Variants in SEH1L observed in about 807,000 individuals in gnomAD.
SEH1L encodes nucleoporin SEH1.
A neutral mutation model predicts 49.5 loss-of-function variants in SEH1L; 18 were observed. That is an observed-to-expected ratio of 0.36 (90% CI 0.25 to 0.54). SEH1L has a LOEUF of 0.54. SEH1L is among the 20% of genes least tolerant of loss of function. The pLI is 0.87. For missense variants in SEH1L, 404 were observed against 528.8 expected, an observed-to-expected ratio of 0.76 and a Z score of 2.31; for synonymous variants, 169 against 178.1, an observed-to-expected ratio of 0.95 and a Z score of 0.41.
intron 6 of SEH1L, among the ~76,000 whole-genome samples, chr18:12,980,729 TG>T (rs1252221955): frequency 6.2e-4 from 32 of 51,656 alleles, no homozygotes; most frequent in African/African-American, 9.5e-4. Context: ...ACGGGGCGGC[TG>T]GCCGGGCAGA....
At chr18:12,984,650 T>G (rs2032395845) in intron 8 of SEH1L, 1 of 154,630 alleles carries the variant, frequency 6.5e-6, no homozygotes, top group Non-Finnish European at 1.4e-5. Flanking sequence ...TTTAAAACTT[T>G]AATAGAAATA....
intron 4 of SEH1L, among the ~76,000 whole-genome samples, chr18:12,967,636 G>A (rs563317372): frequency 6.6e-6 from 1 of 152,284 alleles, no homozygotes; most frequent in African/African-American, 2.4e-5. Flanking sequence ...AGCCTGGGCC[G>A]GGCACAGTGG....
At position 12,986,883 on chromosome 18, in the gene SEH1L, T is replaced by C. The variant is rs1377267849; in HGVS notation, c.1092T>C (p.Asp364=). The change falls in exon 9 of 9, where the codon GAT becomes GAC. Residue 364 remains aspartate (D), a synonymous_variant. Coordinates refer to ENST00000399892, the MANE Select transcript of SEH1L (RefSeq NM_001013437.2). ...TCAGGTATTTCTTTACCCCTCTGGA[T>C]TCCCCACGGGCTGGATCGAGATGGT... ...SAGRYFFTPL[D]SPRAGSRWSS... is the part of the protein sequence containing the mutation. 2 of 1,600,842 alleles carry C rather than the reference T, an allele frequency of 1.2e-6. No homozygotes were observed. Among genetic ancestry groups the C allele is most frequent in the Non-Finnish European group, 1.7e-6 (2 of 1,171,950 alleles).
At chr18:12,979,225 G>GTGT (rs1468806530) in intron 6 of SEH1L, among the ~76,000 whole-genome samples, 1 of 149,038 alleles carries the variant, frequency 6.7e-6, no homozygotes, top group African/African-American at 2.5e-5. Flanking sequence ...GCCTTCTGCA[G>GTGT]TGTTTGTGTC....
chr18:12,951,785 C>A, intron 1 of SEH1L, 70 bp from the exon 2 acceptor site: 1 of 891,446 alleles, frequency 1.1e-6, no homozygotes, highest in South Asian at 1.5e-5. Flanking sequence ...TACACTGATT[C>A]AGTCTTATAG....
At chr18:12,966,434 C>T (rs932161369) in intron 4 of SEH1L, among the ~76,000 whole-genome samples, 1 of 148,688 alleles carries the variant, frequency 6.7e-6, no homozygotes, top group Admixed American at 6.7e-5. Flanking sequence ...GTTTTCGAGA[C>T]ACGTGTCACT....
intron 4 of SEH1L, among the ~76,000 whole-genome samples, chr18:12,967,503 G>C (rs2031502351): frequency 6.6e-6 from 1 of 152,216 alleles, no homozygotes; most frequent in Non-Finnish European, 1.5e-5. Context: ...TGACTAAACT[G>C]TGTAAAGGAC....
At chr18:12,949,829 CCCATCTCCAGAA>C (rs977760798) in intron 1 of SEH1L, among the ~76,000 whole-genome samples, 2 of 152,000 alleles carry the variant, frequency 1.3e-5, no homozygotes. Flanking sequence ...GTCGCCCCTG[CCCATCTCCAGAA>C]CCTTTTCATC....
intron 4 of SEH1L, among the ~76,000 whole-genome samples, chr18:12,968,676 T>A (rs1305412129): frequency 2.0e-5 from 3 of 152,190 alleles, no homozygotes; most frequent in Non-Finnish European, 2.9e-5. Context: ...CTAATGGCAC[T>A]CTTTCTAGAT....
At chr18:12,977,649 A>C (rs2031980445) in intron 5 of SEH1L, 1 of 152,104 alleles carries the variant, frequency 6.6e-6, no homozygotes, top group Admixed American at 6.5e-5. Flanking sequence ...ACTTGAACTC[A>C]GGAGGCGGAG....
At chr18:12,963,468 C>A (rs1381904171) in intron 4 of SEH1L, 97 bp downstream of exon 4, 17 of 957,706 alleles carry the variant, frequency 1.8e-5, no homozygotes, top group South Asian at 1.8e-4. Context: ...AAAGGTGCTT[C>A]TTCTCAAGAT....
intron 6 of SEH1L, among the ~76,000 whole-genome samples, chr18:12,981,238 A>G (rs953505653): frequency 6.8e-6 from 1 of 147,838 alleles, no homozygotes; most frequent in African/African-American, 2.5e-5. Flanking sequence ...CCAGGCAGAG[A>G]GGCTCCTCAC....
intron 8 of SEH1L, chr18:12,985,534 A>C (rs545392935): frequency 2.7e-5 from 32 of 1,191,748 alleles, no homozygotes; most frequent in Non-Finnish European, 3.2e-5. Context: ...ATGTTCCTGA[A>C]ACTAATTTGG....
chr18:12,956,463 A>G (rs1215667457), intron 3 of SEH1L, among the ~76,000 whole-genome samples: 1 of 147,672 alleles, frequency 6.8e-6, no homozygotes, highest in Non-Finnish European at 1.5e-5. Context: ...TCAAAAAAAA[A>G]AAAAGAAAAG....
chr18:12,976,357 A>G (rs901213014), intron 5 of SEH1L: 5 of 152,300 alleles, frequency 3.3e-5, no homozygotes, highest in African/African-American at 1.2e-4. Context: ...TCCCCTGGGT[A>G]GAAAACAAGC....
At chr18:12,961,811 C>T (rs995464182) in intron 3 of SEH1L, among the ~76,000 whole-genome samples, 3 of 151,926 alleles carry the variant, frequency 2.0e-5, no homozygotes, top group African/African-American at 4.8e-5. Flanking sequence ...GGATTGCAGG[C>T]GCCCGCCACA....
At chr18:12,965,847 A>G (rs977609984) in intron 4 of SEH1L, among the ~76,000 whole-genome samples, 4 of 152,122 alleles carry the variant, frequency 2.6e-5, no homozygotes, top group African/African-American at 9.7e-5. Flanking sequence ...TTATTTGAGC[A>G]GTTTTTTCCA....
intron 5 of SEH1L, 82 bp from the exon 6 acceptor site, chr18:12,978,670 G>A: frequency 1.7e-6 from 2 of 1,178,638 alleles, no homozygotes; most frequent in Non-Finnish European, 2.5e-6. Context: ...TGAGCAGTGT[G>A]AAAAAAAGGT....
intron 1 of SEH1L, among the ~76,000 whole-genome samples, chr18:12,949,884 C>T (rs2030411497): frequency 6.6e-6 from 1 of 152,136 alleles, no homozygotes; most frequent in South Asian, 2.1e-4. Context: ...CCAAGAGCAC[C>T]CTGTTCCGCC....
Sources: allele counts gnomAD v4.1 joint callset (sites outside exome capture counted in the v4.1 genomes callset), GRCh38; gene constraint gnomAD v4.1.1; transcripts MANE v1.5; gene names NCBI Gene and HGNC (gene_info 2026-07-23, HGNC 2026-07-21).